Variants in NEK1 observed in about 807,000 individuals in gnomAD.
The protein encoded by NEK1 is serine/threonine-protein kinase Nek1.
Under a neutral mutation model 182.1 loss-of-function variants are expected in NEK1, and 137 were observed. That is an observed-to-expected ratio of 0.75 (90% CI 0.65 to 0.87). The LOEUF is 0.87. Ranked by LOEUF, NEK1 falls within the 40% of genes least tolerant of loss-of-function variation. NEK1 has a pLI of 0.00. For synonymous variants in NEK1, 513 were observed against 492.2 expected (o/e 1.04, Z -0.56); for missense variants, 1,391 against 1,494.4 (o/e 0.93, Z 1.14).
intron 5 of NEK1, among the ~76,000 whole-genome samples, chr4:169,596,250 C>A (rs73864726): frequency 0.013 from 2,009 of 152,182 alleles, 41 homozygotes; most frequent in African/African-American, 0.046. Context: ...AATTCTGTAA[C>A]CTTAGTAGTT....
chr4:169,530,316 T>C (rs1757477148), intron 19 of NEK1, among the ~76,000 whole-genome samples: 1 of 152,250 alleles, frequency 6.6e-6, no homozygotes, highest in African/African-American at 2.4e-5. Flanking sequence ...TAGTTTGACT[T>C]ATGCTTTTTC....
At chr4:169,417,182 C>G (rs1176025816) in intron 31 of NEK1, among the ~76,000 whole-genome samples, 1 of 152,096 alleles carries the variant, frequency 6.6e-6, no homozygotes, top group South Asian at 2.1e-4. Flanking sequence ...TCATTTCAGG[C>G]CAGGGTAACA....
At chr4:169,493,363 G>T (rs2149618648) in intron 23 of NEK1, among the ~76,000 whole-genome samples, 1 of 152,322 alleles carries the variant, frequency 6.6e-6, no homozygotes, top group South Asian at 2.1e-4. Flanking sequence ...ATCAGTGAAA[G>T]AACTCTGGAA....
At chr4:169,550,139 G>A (rs1761194418) in intron 18 of NEK1, among the ~76,000 whole-genome samples, 1 of 152,136 alleles carries the variant, frequency 6.6e-6, no homozygotes, top group Non-Finnish European at 1.5e-5. Context: ...AATCATGATG[G>A]CGGGTCTTTC....
At chr4:169,440,986 A>G (rs1739339344) in intron 27 of NEK1, among the ~76,000 whole-genome samples, 1 of 152,160 alleles carries the variant, frequency 6.6e-6, no homozygotes, top group Non-Finnish European at 1.5e-5. Flanking sequence ...ACACCCCTGG[A>G]GCCCTACTGA....
intron 23 of NEK1, among the ~76,000 whole-genome samples, chr4:169,504,650 A>T (rs1026673018): frequency 3.9e-5 from 6 of 152,242 alleles, no homozygotes; most frequent in African/African-American, 1.2e-4. Flanking sequence ...CAAGTTTTGC[A>T]CGTTTTCACT....
Position 169,451,013 on chromosome 4 carries a change from G to C in NEK1, c.2587+12230C>G, listed in dbSNP as rs185156083. Among the ~76,000 whole-genome samples, 8 of 152,158 alleles carry C rather than the reference G, an allele frequency of 5.3e-5. No individual in the cohort carries two copies. The East Asian group carries it at 5.8e-4, about 11-fold the overall frequency. ...AGTCTCTGATAAAACAGACTTTAAA[G>C]CAACAAAGATCAAAAGAGACAAAGA... On this transcript the variant is annotated intron_variant, in intron 27 of 35. Coordinates refer to ENST00000507142, the MANE Select transcript of NEK1 (RefSeq NM_001199397.3).
intron 31 of NEK1, among the ~76,000 whole-genome samples, chr4:169,419,841 T>C (rs1735170068): frequency 6.6e-6 from 1 of 152,156 alleles, no homozygotes; most frequent in Non-Finnish European, 1.5e-5. Context: ...CAATGGTAAA[T>C]ATTTGTCTAT....
Position 169,590,722 on chromosome 4 carries a change from A to AG in NEK1, c.396+3_396+4insC, listed in dbSNP as rs1170769487. On this transcript the variant is annotated splice_donor_region_variant and intron_variant, in intron 6 of 35. Coordinates refer to ENST00000507142, the MANE Select transcript of NEK1 (RefSeq NM_001199397.3). The stretch of plus-strand genomic sequence containing the variant: ...CAGAAGTTATCAGTGACAGAATAAC[A>AG]TACCTGAGATTTAATGTCTCGATGA... 6.3e-7 allele frequency: 1 copy of AG among 1,574,858 alleles called. No homozygotes were observed. The highest frequency in any genetic ancestry group is 8.7e-7 in the Non-Finnish European group (1 of 1,155,752).
At chr4:169,513,858 T>A (rs1008187549) in intron 19 of NEK1, among the ~76,000 whole-genome samples, 1 of 152,302 alleles carries the variant, frequency 6.6e-6, no homozygotes, top group African/African-American at 2.4e-5. Context: ...CCTGTTGATA[T>A]GGTGAATCAC....
At chr4:169,504,280 T>C (rs998880839) in intron 23 of NEK1, among the ~76,000 whole-genome samples, 5 of 152,154 alleles carry the variant, frequency 3.3e-5, no homozygotes, top group Non-Finnish European at 5.9e-5. Flanking sequence ...ACACTGTTGG[T>C]AGGAATGTAA....
chr4:169,575,567 C>G (rs1765554214), intron 12 of NEK1, among the ~76,000 whole-genome samples: 1 of 152,206 alleles, frequency 6.6e-6, no homozygotes. Context: ...GTGCCTCAGC[C>G]AGCATCCCAG....
At chr4:169,406,856 C>A in intron 31 of NEK1, 109 bp from the exon 32 acceptor site, 2 of 774,870 alleles carry the variant, frequency 2.6e-6, no homozygotes, top group South Asian at 2.3e-5. Flanking sequence ...TAAAATGTAA[C>A]ATATAAAAAG....
intron 35 of NEK1, among the ~76,000 whole-genome samples, chr4:169,398,483 T>G (rs1731095243): frequency 6.6e-6 from 1 of 152,212 alleles, no homozygotes; most frequent in Admixed American, 6.5e-5. Context: ...AGCTGTCCTC[T>G]GAGCAACTAA....
intron 26 of NEK1, among the ~76,000 whole-genome samples, 196 bp downstream of exon 26, chr4:169,476,928 T>C (rs1383648175): frequency 3.3e-5 from 5 of 152,074 alleles, no homozygotes; most frequent in Non-Finnish European, 5.9e-5. Context: ...TAAGGCTGAT[T>C]AGTTTGATTA....
At position 169,554,707 on chromosome 4, in the gene NEK1, C is replaced by G. The variant is rs1338265357; in HGVS notation, c.1562+1013G>C. The G allele has an allele frequency of 3.3e-5, 5 of 152,018 alleles. 1 individual carries two copies. In the South Asian group the frequency reaches 8.3e-4, roughly 25 times the overall value. The allele number at this position is 152,018 out of a possible 1,614,324, so 9.4% of individuals were successfully genotyped here. A position where few individuals can be genotyped will look rare whatever the true frequency, so the allele number is the denominator to read the frequency against. Reference sequence around the variant, plus strand: ...GCACAGGGGATTTTGAAGGCAGTCACATTATTTTGTATGATATTACAGTGG... The same window carrying G: ...GCACAGGGGATTTTGAAGGCAGTCAGATTATTTTGTATGATATTACAGTGG... On this transcript the variant is annotated intron_variant, in intron 18 of 35. Coordinates refer to ENST00000507142, the MANE Select transcript of NEK1 (RefSeq NM_001199397.3).
chr4:169,445,863 T>TACACAC (rs1413477721), intron 27 of NEK1, among the ~76,000 whole-genome samples: 1 of 130,912 alleles, frequency 7.6e-6, no homozygotes, highest in East Asian at 2.3e-4. Context: ...TATATATATA[T>TACACAC]ATACACACAC....
rs201769828 is a variant in NEK1, at chr4:169,438,261, T to C, written c.2588-2A>G. ...ACTTTTCCCCTTCGGGAGAAATCTCTGTGAAAACAAAAAATAAAAAATCAT... is the reference window on the plus strand; with the variant it reads ...ACTTTTCCCCTTCGGGAGAAATCTCCGTGAAAACAAAAAATAAAAAATCAT... On this transcript the variant is annotated splice_acceptor_variant, in intron 27 of 35. Transcript: ENST00000507142. LOFTEE classifies it high-confidence loss of function. The C allele has an allele frequency of 2.8e-5, 42 of 1,522,414 alleles. No individual in the cohort carries two copies. The East Asian group carries it at 4.4e-4, about 16-fold the overall frequency. 94.3% of individuals were successfully genotyped at this position (1,522,414 alleles called of 1,614,324 possible).
intron 31 of NEK1, among the ~76,000 whole-genome samples, chr4:169,421,632 C>T (rs1561157685): frequency 6.6e-6 from 1 of 152,176 alleles, no homozygotes; most frequent in Non-Finnish European, 1.5e-5. Context: ...CTCCTGCTGC[C>T]ATGTAAGATA....
Sources: allele counts gnomAD v4.1 joint callset (sites outside exome capture counted in the v4.1 genomes callset), GRCh38; gene constraint gnomAD v4.1.1; transcripts MANE v1.5; gene names NCBI Gene and HGNC (gene_info 2026-07-23, HGNC 2026-07-21).